LDAH: variants seen among roughly 807,000 people sequenced by gnomAD.
LDAH encodes the protein lipid droplet-associated hydrolase.
Under a neutral mutation model 29.6 loss-of-function variants are expected in LDAH, and 26 were observed. The ratio of observed to expected loss-of-function variants is 0.88; its 90% confidence interval spans 0.64 to 1.22. The LOEUF (loss-of-function observed/expected upper bound fraction) is 1.22, where lower values mean the gene tolerates loss of function less well. Among genes scored for constraint, LDAH ranks in the 50% most tolerant of loss-of-function variants. The pLI, the probability that LDAH is intolerant of heterozygous loss-of-function variation, is 0.00. For missense variants in LDAH, 344 were observed against 387.3 expected, an observed-to-expected ratio of 0.89 and a Z score of 0.94; for synonymous variants, 117 against 133.0, an observed-to-expected ratio of 0.88 and a Z score of 0.83.
intron 4 of LDAH, among the ~76,000 whole-genome samples, chr2:20,760,960 T>C (rs1401501427): frequency 6.6e-6 from 1 of 152,232 alleles, no homozygotes; most frequent in Non-Finnish European, 1.5e-5. Flanking sequence ...CCCTAAGCTC[T>C]TTCCTTTCAC....
intron 5 of LDAH, among the ~76,000 whole-genome samples, chr2:20,716,890 G>T (rs1260709573): frequency 9.0e-6 from 1 of 111,290 alleles, no homozygotes; most frequent in Non-Finnish European, 2.1e-5. Context: ...GAAGAGCCTG[G>T]CTGACAACTT....
At chr2:20,717,948 A>G (rs1305779506) in intron 5 of LDAH, among the ~76,000 whole-genome samples, 1 of 152,206 alleles carries the variant, frequency 6.6e-6, no homozygotes, top group Admixed American at 6.5e-5. Context: ...CAAAAACATT[A>G]GCTTAGTTAT....
intron 6 of LDAH, among the ~76,000 whole-genome samples, chr2:20,692,612 T>G (rs538183480): frequency 1.3e-5 from 2 of 152,310 alleles, no homozygotes; most frequent in South Asian, 4.1e-4. Context: ...ATATATATAT[T>G]TGTTGTTGGT....
chr2:20,773,875 T>C (rs1669600372), intron 4 of LDAH, among the ~76,000 whole-genome samples: 1 of 152,122 alleles, frequency 6.6e-6, no homozygotes, highest in African/African-American at 2.4e-5. Flanking sequence ...TCACGTCCTA[T>C]CTTGGCTTCA....
intron 1 of LDAH, among the ~76,000 whole-genome samples, chr2:20,820,261 C>T (rs1333600042): frequency 2.6e-5 from 4 of 152,132 alleles, no homozygotes; most frequent in Admixed American, 6.5e-5. Context: ...TTGGAAAAAA[C>T]TACTTTAAAG....
At position 20,707,321 on chromosome 2, in the gene LDAH, C is replaced by G. The variant is rs571142350; in HGVS notation, c.704-5669G>C. On this transcript the variant is annotated intron_variant, in intron 5 of 6. Transcript: ENST00000237822. ...ACCACAATGAAGGCTCTGGGCCATG[C>G]TCTCCTGTGCTCCTTCTGCCTCCTT... Among the ~76,000 whole-genome samples the G allele has an allele frequency of 2.6e-5, 4 of 152,218 alleles. No homozygotes were observed. In the East Asian group the frequency reaches 7.7e-4, roughly 29 times the overall value.
At chr2:20,812,789 T>C (rs1488276718) in intron 1 of LDAH, among the ~76,000 whole-genome samples, 1 of 152,200 alleles carries the variant, frequency 6.6e-6, no homozygotes, top group Non-Finnish European at 1.5e-5. Context: ...TTAACAAATG[T>C]CCAAGAGCGT....
chr2:20,769,565 C>T (rs1316140516), intron 4 of LDAH, among the ~76,000 whole-genome samples: 1 of 152,128 alleles, frequency 6.6e-6, no homozygotes, highest in African/African-American at 2.4e-5. Context: ...TTGGAGAACA[C>T]TGAAGCTATT....
intron 4 of LDAH, among the ~76,000 whole-genome samples, chr2:20,747,570 GTTC>G (rs1181310578): frequency 2.0e-5 from 3 of 152,076 alleles, no homozygotes; most frequent in Admixed American, 6.6e-5. Flanking sequence ...AAGGCCATGT[GTTC>G]TTCTCCTTAG....
At chr2:20,810,045 A>G (rs1344523715) in intron 1 of LDAH, among the ~76,000 whole-genome samples, 5 of 152,252 alleles carry the variant, frequency 3.3e-5, no homozygotes, top group African/African-American at 1.2e-4. Context: ...GTGGCTTAAG[A>G]CAACCATTTA....
intron 5 of LDAH, among the ~76,000 whole-genome samples, chr2:20,739,737 G>A (rs1324134424): frequency 6.6e-6 from 1 of 152,204 alleles, no homozygotes; most frequent in African/African-American, 2.4e-5. Context: ...GCTGCAGCTA[G>A]AGTGAAGAAT....
At chr2:20,718,964 C>T (rs1246017586) in intron 5 of LDAH, among the ~76,000 whole-genome samples, 4 of 150,708 alleles carry the variant, frequency 2.7e-5, no homozygotes. Flanking sequence ...ACTCTTAAAA[C>T]AAATGAAAAT....
intron 4 of LDAH, among the ~76,000 whole-genome samples, chr2:20,743,650 G>A (rs1242997592): frequency 3.3e-5 from 5 of 151,990 alleles, no homozygotes; most frequent in African/African-American, 1.2e-4. Context: ...TTTAGTCTTT[G>A]TTTATTCCCT....
downstream of LDAH, among the ~76,000 whole-genome samples, chr2:20,683,234 G>T (rs887437572): frequency 6.6e-6 from 1 of 152,184 alleles, no homozygotes; most frequent in African/African-American, 2.4e-5. Flanking sequence ...GGGCCAATGT[G>T]ATCACTTACC....
At chr2:20,693,136 T>C (rs1663160091) in intron 6 of LDAH, among the ~76,000 whole-genome samples, 1 of 152,168 alleles carries the variant, frequency 6.6e-6, no homozygotes, top group African/African-American at 2.4e-5. Flanking sequence ...ACAGAACTAG[T>C]TACCTGTGGG....
chr2:20,699,267 T>TA (rs1315640223), intron 6 of LDAH, among the ~76,000 whole-genome samples: 2 of 152,150 alleles, frequency 1.3e-5, no homozygotes, highest in Non-Finnish European at 2.9e-5. Flanking sequence ...TCGATTAAGA[T>TA]ACCTAAATAG....
intron 5 of LDAH, among the ~76,000 whole-genome samples, chr2:20,738,579 AT>A (rs1666967374): frequency 6.6e-6 from 1 of 152,066 alleles, no homozygotes; most frequent in Admixed American, 6.5e-5. Context: ...TTCCTTAATA[AT>A]ATGGTGGAGA....
intron 6 of LDAH, among the ~76,000 whole-genome samples, chr2:20,693,688 A>G (rs1335476359): frequency 6.6e-6 from 1 of 152,252 alleles, no homozygotes; most frequent in Non-Finnish European, 1.5e-5. Flanking sequence ...TTGGTTGAGC[A>G]TCTTCCAAAT....
intron 5 of LDAH, among the ~76,000 whole-genome samples, chr2:20,733,250 T>G (rs1666534371): frequency 6.6e-6 from 1 of 151,874 alleles, no homozygotes; most frequent in Non-Finnish European, 1.5e-5. Context: ...TATTTTTTTT[T>G]GAGATGCTTT....
Sources: allele counts gnomAD v4.1 joint callset (sites outside exome capture counted in the v4.1 genomes callset), GRCh38; gene constraint gnomAD v4.1.1; transcripts MANE v1.5; gene names NCBI Gene and HGNC (gene_info 2026-07-23, HGNC 2026-07-21).